Variants in GPC5 observed in about 807,000 individuals in gnomAD.
The protein encoded by GPC5 is glypican-5.
GPC5 carries 47 observed loss-of-function variants against 53.9 expected under a neutral mutation model. The observed-to-expected ratio is 0.87, with a 90% CI of 0.69 to 1.11. The LOEUF (loss-of-function observed/expected upper bound fraction) is 1.11. Ranked by LOEUF, GPC5 falls within the 50% of genes most tolerant of loss-of-function variation. The probability of loss-of-function intolerance (pLI) is 0.00; values close to 1 mark genes in which losing one functional copy is unlikely to be tolerated. For synonymous variants in GPC5, 286 were observed against 263.3 expected, an observed-to-expected ratio of 1.09 and a Z score of -0.84; for missense variants, 748 against 713.1, an observed-to-expected ratio of 1.05 and a Z score of -0.56.
chr13:91,715,565 C>T (rs2036318247), intron 3 of GPC5, among the ~76,000 whole-genome samples: 1 of 152,070 alleles, frequency 6.6e-6, no homozygotes, highest in Admixed American at 6.6e-5. Context: ...TCTTGGCCAG[C>T]TTGCTTTCCC....
chr13:91,542,410 A>G (rs1056917142), intron 2 of GPC5, among the ~76,000 whole-genome samples: 3 of 152,254 alleles, frequency 2.0e-5, no homozygotes, highest in Non-Finnish European at 4.4e-5. Context: ...CTGTCACAAT[A>G]TGAGACTCTC....
chr13:91,460,314 G>C (rs191230575), intron 2 of GPC5, among the ~76,000 whole-genome samples: 7 of 148,302 alleles, frequency 4.7e-5, no homozygotes, highest in Non-Finnish European at 8.9e-5. Context: ...TTTTTTTGGT[G>C]GGGGGACAGA....
At chr13:92,145,584 A>G (rs916231783) in intron 7 of GPC5, among the ~76,000 whole-genome samples, 1 of 152,182 alleles carries the variant, frequency 6.6e-6, no homozygotes, top group Non-Finnish European at 1.5e-5. Context: ...ATAACAACAA[A>G]AAATTACCAA....
rs573515560 is a variant in GPC5, at chr13:92,506,391, T to A, written c.1562-359891T>A. Among the ~76,000 whole-genome samples the A allele has an allele frequency of 2.0e-5, 3 of 152,144 alleles. No homozygotes were observed. In the East Asian group the frequency reaches 5.8e-4, roughly 29 times the overall value. On this transcript the variant is annotated intron_variant, in intron 7 of 7. Transcript: ENST00000377067. ...TAGAAATAAGAAAAACTAAGGCCAG[T>A]TTAAAAATTAAAGCCAGTCAAAAAA...
At chr13:92,459,680 A>T (rs1878405774) in intron 7 of GPC5, among the ~76,000 whole-genome samples, 1 of 152,144 alleles carries the variant, frequency 6.6e-6, no homozygotes, top group Admixed American at 6.6e-5. Flanking sequence ...TTTTTGCCTT[A>T]TTTAATAATT....
intron 3 of GPC5, among the ~76,000 whole-genome samples, chr13:91,721,454 C>T (rs2036472186): frequency 1.3e-5 from 2 of 152,076 alleles, no homozygotes; most frequent in Non-Finnish European, 2.9e-5. Flanking sequence ...TTTTCTTATG[C>T]CCTGTGCATA....
At chr13:92,212,205 C>A (rs974635249) in intron 7 of GPC5, among the ~76,000 whole-genome samples, 1 of 151,858 alleles carries the variant, frequency 6.6e-6, no homozygotes, top group Non-Finnish European at 1.5e-5. Context: ...GGGGAGGGAA[C>A]ATTTATGAAG....
rs7991878 is a variant in GPC5 at position 92,031,702 on chromosome 13, T to G, written c.1402-113128T>G. The stretch of plus-strand genomic sequence containing the variant: ...ATATATATATAGTATATATAATATA[T>G]TATATATATTACATATATGTAATAT... On this transcript the variant is annotated intron_variant, in intron 6 of 7. Transcript: ENST00000377067. Among the ~76,000 whole-genome samples, 8 of 54,072 alleles carry G rather than the reference T, an allele frequency of 1.5e-4. 2 individuals carry two copies. The highest frequency in any genetic ancestry group is 2.4e-4 in the Non-Finnish European group (7 of 29,108). The allele number at this position is 54,072 out of a possible 152,430, so 35.5% of individuals were successfully genotyped here. A position where few individuals can be genotyped will look rare whatever the true frequency, so the allele number is the denominator to read the frequency against.
At chr13:92,236,499 A>T (rs1337346716) in intron 7 of GPC5, among the ~76,000 whole-genome samples, 1 of 152,094 alleles carries the variant, frequency 6.6e-6, no homozygotes, top group African/African-American at 2.4e-5. Flanking sequence ...TGGAAAGGTG[A>T]AATTGTGGAA....
chr13:91,540,629 T>C (rs892624879), intron 2 of GPC5, among the ~76,000 whole-genome samples: 2 of 152,198 alleles, frequency 1.3e-5, no homozygotes, highest in Non-Finnish European at 2.9e-5. Flanking sequence ...TATACTTCAA[T>C]AAAGCAGTTA....
chr13:92,332,722 T>C (rs1390643281), intron 7 of GPC5, among the ~76,000 whole-genome samples: 2 of 152,188 alleles, frequency 1.3e-5, no homozygotes, highest in Non-Finnish European at 2.9e-5. Flanking sequence ...AAAAAGACTA[T>C]TGTCCAATAA....
At chr13:91,961,282 C>A (rs900432633) in intron 6 of GPC5, among the ~76,000 whole-genome samples, 1 of 151,736 alleles carries the variant, frequency 6.6e-6, no homozygotes, top group East Asian at 1.9e-4. Context: ...GTCACATGTA[C>A]CTTGTATATA....
intron 3 of GPC5, among the ~76,000 whole-genome samples, chr13:91,728,303 G>A (rs2036618994): frequency 1.3e-5 from 2 of 152,018 alleles, no homozygotes; most frequent in Non-Finnish European, 2.9e-5. Context: ...CATGTATACT[G>A]CATACCACAT....
At chr13:92,382,737 G>T (rs1396495058) in intron 7 of GPC5, among the ~76,000 whole-genome samples, 1 of 152,062 alleles carries the variant, frequency 6.6e-6, no homozygotes, top group Admixed American at 6.6e-5. Flanking sequence ...ATGGCCGGGC[G>T]CGGTGGCTCA....
At chr13:92,261,765 T>A (rs749846694) in intron 7 of GPC5, among the ~76,000 whole-genome samples, 1 of 152,130 alleles carries the variant, frequency 6.6e-6, no homozygotes, top group African/African-American at 2.4e-5. Flanking sequence ...TTAGTTAAAT[T>A]TTAATAAAGG....
intron 7 of GPC5, among the ~76,000 whole-genome samples, chr13:92,762,483 G>A (rs968614659): frequency 1.3e-5 from 2 of 152,068 alleles, no homozygotes; most frequent in African/African-American, 2.4e-5. Flanking sequence ...GTGACTCGTT[G>A]CTTTTCTCTC....
intron 2 of GPC5, among the ~76,000 whole-genome samples, chr13:91,690,524 A>G (rs1373791498): frequency 2.0e-5 from 3 of 152,210 alleles, no homozygotes; most frequent in Non-Finnish European, 2.9e-5. Flanking sequence ...TTTATTTTGA[A>G]TGAAAACTCC....
chr13:91,919,034 A>G (rs2039685824), intron 6 of GPC5, among the ~76,000 whole-genome samples: 1 of 152,148 alleles, frequency 6.6e-6, no homozygotes, highest in Non-Finnish European at 1.5e-5. Context: ...CCAGAACAGA[A>G]TTCCATCCTA....
intron 6 of GPC5, among the ~76,000 whole-genome samples, chr13:92,071,836 C>CAT (rs887886048): frequency 2.7e-5 from 4 of 146,194 alleles, no homozygotes; most frequent in South Asian, 2.1e-4. Context: ...ATATTTTATT[C>CAT]ATATATATAT....
Sources: allele counts gnomAD v4.1 joint callset (sites outside exome capture counted in the v4.1 genomes callset), GRCh38; gene constraint gnomAD v4.1.1; transcripts MANE v1.5; gene names NCBI Gene and HGNC (gene_info 2026-07-23, HGNC 2026-07-21).